The following NWD2 variants were observed in gnomAD, a reference collection of about 807,000 sequenced individuals.
The protein encoded by NWD2 is NACHT and WD repeat domain containing 2.
A neutral mutation model predicts 132.7 loss-of-function variants in NWD2; 37 were observed. That is an observed-to-expected ratio of 0.28 (90% CI 0.21 to 0.37). The LOEUF is 0.37. NWD2 is among the 10% of genes least tolerant of loss of function. The pLI is 1.00. For missense variants in NWD2, 1,592 were observed against 2,122.4 expected (o/e 0.75, Z 4.91); for synonymous variants, 705 against 803.0 (o/e 0.88, Z 2.06).
intron 1 of NWD2, among the ~76,000 whole-genome samples, chr4:37,282,695 T>C (rs572946071): frequency 1.3e-5 from 2 of 152,312 alleles, no homozygotes; most frequent in Non-Finnish European, 2.9e-5. Context: ...TTAGTGTCTC[T>C]TTGCTGGGTT....
At position 37,315,615 on chromosome 4, in the gene NWD2, G is replaced by A. The variant is rs561679201; in HGVS notation, c.152-10321G>A. Reference sequence around the variant, plus strand: ...TAAAGTGTGTCTTTTATATTTAGTTGGATATTGTTTTGTTATCTAGCCTGG... The same window carrying A: ...TAAAGTGTGTCTTTTATATTTAGTTAGATATTGTTTTGTTATCTAGCCTGG... On this transcript the variant is annotated intron_variant, in intron 1 of 6. Coordinates refer to ENST00000309447, the MANE Select transcript of NWD2 (RefSeq NM_001144990.2). 2.0e-5 allele frequency among the ~76,000 whole-genome samples: 3 copies of A among 151,748 alleles called. No homozygotes were observed. In the East Asian group the frequency reaches 5.8e-4, roughly 29 times the overall value.
intron 2 of NWD2, among the ~76,000 whole-genome samples, chr4:37,339,864 A>G (rs1027268456): frequency 2.0e-5 from 3 of 151,632 alleles, no homozygotes; most frequent in Non-Finnish European, 2.9e-5. Context: ...TCCAGTGTCT[A>G]TTATTCCACA....
chr4:37,315,502 T>G lies in NWD2; in HGVS notation c.152-10434T>G, dbSNP rs1185748849. ...TATAGTTTTTTTTCCTCTAGTAGTA[T>G]TTCTTAAAACCTATTTTGTCTGATC... On this transcript the variant is annotated intron_variant, in intron 1 of 6. Transcript: ENST00000309447. Among the ~76,000 whole-genome samples the G allele has an allele frequency of 2.6e-5, 4 of 152,206 alleles. No individual in the cohort carries two copies. The East Asian group carries it at 7.7e-4, about 29-fold the overall frequency.
At chr4:37,251,398 C>A (rs1372906899) in intron 1 of NWD2, among the ~76,000 whole-genome samples, 3 of 152,174 alleles carry the variant, frequency 2.0e-5, no homozygotes, top group Non-Finnish European at 2.9e-5. Context: ...TAGTAAAATA[C>A]AAACTACCCC....
intron 1 of NWD2, among the ~76,000 whole-genome samples, chr4:37,290,608 A>T (rs1041457736): frequency 3.9e-5 from 6 of 152,230 alleles, no homozygotes; most frequent in Non-Finnish European, 8.8e-5. Flanking sequence ...GGTTAAAGGC[A>T]CATACAGTAG....
At chr4:37,358,118 C>T (rs948660845) in intron 3 of NWD2, among the ~76,000 whole-genome samples, 1 of 151,984 alleles carries the variant, frequency 6.6e-6, no homozygotes, top group South Asian at 2.1e-4. Context: ...TGGGAACCAT[C>T]GATTTTGGAA....
intron 1 of NWD2, among the ~76,000 whole-genome samples, chr4:37,318,925 T>C (rs965382873): frequency 1.3e-5 from 2 of 152,210 alleles, no homozygotes; most frequent in Admixed American, 1.3e-4. Flanking sequence ...TTGTGAATAG[T>C]GCAGTGATGA....
chr4:37,342,250 G>A (rs1204922593), intron 2 of NWD2, among the ~76,000 whole-genome samples: 6 of 152,032 alleles, frequency 3.9e-5, no homozygotes, highest in Admixed American at 3.3e-4. Flanking sequence ...ATTTAAAGAG[G>A]CTGGCAGCTC....
chr4:37,364,768 T>C (rs534820268), intron 3 of NWD2, among the ~76,000 whole-genome samples: 2 of 151,604 alleles, frequency 1.3e-5, no homozygotes, highest in Admixed American at 1.3e-4. Context: ...GAATGGGTCA[T>C]GCTCATACCC....
At chr4:37,429,319 T>C (rs1002906031) in intron 3 of NWD2, among the ~76,000 whole-genome samples, 4 of 152,020 alleles carry the variant, frequency 2.6e-5, no homozygotes, top group African/African-American at 9.7e-5. Context: ...ACTGGAATCA[T>C]CTTTTATTTT....
At chr4:37,286,421 AC>A (rs988302188) in intron 1 of NWD2, among the ~76,000 whole-genome samples, 5 of 152,334 alleles carry the variant, frequency 3.3e-5, no homozygotes, top group Admixed American at 3.3e-4. Context: ...AGGGAACAGG[AC>A]CCTTGGAACC....
At position 37,437,161 on chromosome 4, in the gene NWD2, C is replaced by A. The variant is rs187612273; in HGVS notation, c.707-1640C>A. 1.8e-3 allele frequency among the ~76,000 whole-genome samples: 274 copies of A among 152,008 alleles called. 2 individuals are homozygous for A. Among genetic ancestry groups the A allele is most frequent in the South Asian group, 0.015 (70 of 4,812 alleles). On this transcript the variant is annotated intron_variant, in intron 5 of 6. Coordinates refer to ENST00000309447, the MANE Select transcript of NWD2 (RefSeq NM_001144990.2). ...TTTTGCTTGACATTGGAGTTATGAC[C>A]AGCATGTAATTTTTTTCAATTTATG... is the stretch of plus-strand genomic sequence containing the variant.
At chr4:37,275,972 G>T (rs1718003305) in intron 1 of NWD2, among the ~76,000 whole-genome samples, 1 of 152,118 alleles carries the variant, frequency 6.6e-6, no homozygotes, top group African/African-American at 2.4e-5. Flanking sequence ...AGACTTAAAT[G>T]TTAGACCTAA....
chr4:37,408,441 C>T lies in NWD2; in HGVS notation c.358-22131C>T, dbSNP rs1721087907. 2.6e-5 allele frequency among the ~76,000 whole-genome samples: 4 copies of T among 152,330 alleles called. No individual in the cohort carries two copies. In the South Asian group the frequency reaches 8.3e-4, roughly 32 times the overall value. ...GAAAGTTCAAACTGGGTGGAGCCCA[C>T]TGCAGCTCAGCAAGGCTGCTATGGC... On this transcript the variant is annotated intron_variant, in intron 3 of 6. Coordinates refer to ENST00000309447, the MANE Select transcript of NWD2 (RefSeq NM_001144990.2).
At chr4:37,413,763 C>A (rs1352564045) in intron 3 of NWD2, among the ~76,000 whole-genome samples, 1 of 152,124 alleles carries the variant, frequency 6.6e-6, no homozygotes, top group Non-Finnish European at 1.5e-5. Context: ...AAATGTGGTA[C>A]ATATACACCA....
At chr4:37,313,274 G>A (rs1234547160) in intron 1 of NWD2, among the ~76,000 whole-genome samples, 2 of 151,044 alleles carry the variant, frequency 1.3e-5, no homozygotes, top group Admixed American at 1.3e-4. Flanking sequence ...CTTTTTGGTT[G>A]GTGAGCTGTT....
chr4:37,376,195 C>T (rs914981948), intron 3 of NWD2, among the ~76,000 whole-genome samples: 2 of 152,138 alleles, frequency 1.3e-5, no homozygotes, highest in Non-Finnish European at 2.9e-5. Flanking sequence ...CATCTTGATT[C>T]TCTACTTGTT....
intron 3 of NWD2, among the ~76,000 whole-genome samples, chr4:37,407,748 G>A (rs1045137307): frequency 4.6e-5 from 7 of 152,212 alleles, no homozygotes; most frequent in African/African-American, 1.7e-4. Context: ...GGGCAACATG[G>A]TGGAATAGGA....
intron 1 of NWD2, among the ~76,000 whole-genome samples, chr4:37,251,384 A>G (rs1417883591): frequency 6.6e-6 from 1 of 152,212 alleles, no homozygotes; most frequent in African/African-American, 2.4e-5. Context: ...GTGGCACATG[A>G]CTGTAGTAAA....
Sources: allele counts gnomAD v4.1 joint callset (sites outside exome capture counted in the v4.1 genomes callset), GRCh38; gene constraint gnomAD v4.1.1; transcripts MANE v1.5; gene names NCBI Gene and HGNC (gene_info 2026-07-23, HGNC 2026-07-21).